VAV3: variants seen among roughly 807,000 people sequenced by gnomAD.
VAV3 encodes guanine nucleotide exchange factor VAV3.
In VAV3, 94 loss-of-function variants were observed where a neutral mutation model predicts 131.2. That is an observed-to-expected ratio of 0.72 (90% confidence interval 0.61 to 0.85). VAV3 has a LOEUF of 0.85. VAV3 is among the 40% of genes least tolerant of loss of function. The probability of loss-of-function intolerance (pLI) is 0.00; values close to 1 mark genes in which losing one functional copy is unlikely to be tolerated. For missense variants in VAV3, 939 were observed against 1,002.7 expected, an observed-to-expected ratio of 0.94 and a Z score of 0.86; for synonymous variants, 349 against 342.0, an observed-to-expected ratio of 1.02 and a Z score of -0.22.
At chr1:107,583,597 C>T (rs1444013257) in intron 25 of VAV3, among the ~76,000 whole-genome samples, 1 of 152,034 alleles carries the variant, frequency 6.6e-6, no homozygotes, top group Non-Finnish European at 1.5e-5. Flanking sequence ...AAATCACAAG[C>T]ATTCTTATAT....
At chr1:107,757,183 G>GTGTA in intron 11 of VAV3, 78 bp downstream of exon 11, 1 of 876,360 alleles carries the variant, frequency 1.1e-6, no homozygotes, top group Non-Finnish European at 1.8e-6. Context: ...GTGTGTGTGT[G>GTGTA]TGTGTATGCA....
At chr1:107,703,776 T>G (rs1484873727) in intron 17 of VAV3, among the ~76,000 whole-genome samples, 1 of 152,182 alleles carries the variant, frequency 6.6e-6, no homozygotes, top group Non-Finnish European at 1.5e-5. Context: ...CTTTCTTGTG[T>G]TCAAAAGTTT....
intron 2 of VAV3, among the ~76,000 whole-genome samples, chr1:107,826,193 T>A (rs1215449468): frequency 6.6e-6 from 1 of 152,204 alleles, no homozygotes; most frequent in Non-Finnish European, 1.5e-5. Flanking sequence ...TAAATTTGTC[T>A]ACACATTTAC....
intron 1 of VAV3, among the ~76,000 whole-genome samples, chr1:107,947,291 T>C (rs1244914923): frequency 1.3e-5 from 2 of 152,192 alleles, no homozygotes; most frequent in Non-Finnish European, 2.9e-5. Context: ...GCCACAATAT[T>C]CCAAGTCTTA....
intron 15 of VAV3, among the ~76,000 whole-genome samples, chr1:107,709,681 T>C (rs148652291): frequency 2.0e-5 from 3 of 152,326 alleles, no homozygotes; most frequent in East Asian, 3.9e-4. Flanking sequence ...TCCCCCATCC[T>C]GTTCTCATGA....
intron 15 of VAV3, among the ~76,000 whole-genome samples, chr1:107,720,278 G>A (rs1236220016): frequency 1.3e-5 from 2 of 151,806 alleles, no homozygotes; most frequent in African/African-American, 4.8e-5. Context: ...AGCTACTTGA[G>A]AGGCTGAGGT....
At chr1:107,720,384 A>AAAATAAATAAATAAAT (rs35673194) in intron 15 of VAV3, among the ~76,000 whole-genome samples, 7 of 102,554 alleles carry the variant, frequency 6.8e-5, no homozygotes, top group Admixed American at 3.2e-4. Flanking sequence ...CACTGTCTCA[A>AAAATAAATAAATAAAT]AAATAAATAA....
chr1:107,896,612 G>A (rs555647471), intron 1 of VAV3, among the ~76,000 whole-genome samples: 3 of 152,144 alleles, frequency 2.0e-5, no homozygotes, highest in South Asian at 2.1e-4. Context: ...AAATCTAATC[G>A]CAACCCAAGC....
intron 1 of VAV3, among the ~76,000 whole-genome samples, chr1:107,930,567 C>G (rs1354769364): frequency 6.6e-6 from 1 of 151,950 alleles, no homozygotes; most frequent in African/African-American, 2.4e-5. Flanking sequence ...GTTACCTAGT[C>G]GATAAGAAAA....
rs193248387 is a variant in VAV3 at position 107,927,220 on chromosome 1, G to A, written c.204+37446C>T. Among the ~76,000 whole-genome samples, 12 of 152,162 alleles carry A rather than the reference G, an allele frequency of 7.9e-5. No individual in the cohort carries two copies. The East Asian group carries it at 1.6e-3, about 20-fold the overall frequency. On this transcript the variant is annotated intron_variant, in intron 1 of 26. Transcript: ENST00000370056. ...ACAAGGGAACCCACTGCCATGAAGC[G>A]ATGGACTCAGTTCTGGCAGGACCAA...
intron 15 of VAV3, among the ~76,000 whole-genome samples, chr1:107,717,201 C>A (rs937586756): frequency 6.6e-6 from 1 of 152,074 alleles, no homozygotes; most frequent in African/African-American, 2.4e-5. Flanking sequence ...CCTGGACTCA[C>A]TGATTTTTTG....
intron 1 of VAV3, among the ~76,000 whole-genome samples, chr1:107,947,700 A>G (rs1160982828): frequency 6.6e-6 from 1 of 152,242 alleles, no homozygotes; most frequent in Non-Finnish European, 1.5e-5. Context: ...TTCTTTCAAT[A>G]TAACATGCTG....
intron 2 of VAV3, among the ~76,000 whole-genome samples, chr1:107,842,172 C>G: frequency 6.6e-6 from 1 of 152,142 alleles, no homozygotes; most frequent in Non-Finnish European, 1.5e-5. Flanking sequence ...TACCTAGTAC[C>G]TCCCTCTTCT....
intron 15 of VAV3, among the ~76,000 whole-genome samples, chr1:107,710,699 T>C (rs1055784487): frequency 3.3e-5 from 5 of 152,240 alleles, no homozygotes; most frequent in East Asian, 3.9e-4. Flanking sequence ...TTATTTTCCA[T>C]AGCAAGGTTT....
chr1:107,704,453 CAATA>C, intron 17 of VAV3, 93 bp downstream of exon 17: 1 of 861,106 alleles, frequency 1.2e-6, no homozygotes, highest in Non-Finnish European at 1.8e-6. Flanking sequence ...AGATATGTTA[CAATA>C]AACACATATT....
Position 107,572,970 on chromosome 1 carries a change from T to G in VAV3, c.*361A>C, listed in dbSNP as rs1164812896. 3 of 237,204 alleles carry G rather than the reference T, an allele frequency of 1.3e-5. No individual in the cohort carries two copies. The East Asian group carries it at 2.6e-4, about 20-fold the overall frequency. The allele number at this position is 237,204 out of a possible 1,614,324, so 14.7% of individuals were successfully genotyped here. A position where few individuals can be genotyped will look rare whatever the true frequency, so the allele number is the denominator to read the frequency against. On this transcript the variant is annotated 3_prime_UTR_variant, in exon 27 of 27. Coordinates refer to ENST00000370056, the MANE Select transcript of VAV3 (RefSeq NM_006113.5). ...ATGGCATGTGAGAATAAAGCAAAAG[T>G]GTATTAAGATTTACTGATGACTGGC...
At chr1:107,897,375 TGAAAAAGTAGAGG>T (rs927412342) in intron 1 of VAV3, 1 of 150,678 alleles carries the variant, frequency 6.6e-6, no homozygotes, top group Non-Finnish European at 1.5e-5. Context: ...CCATGAGAAT[TGAAAAAGTAGAGG>T]GAGAAAGAGA....
chr1:107,752,341 T>C (rs1345781597), intron 12 of VAV3, among the ~76,000 whole-genome samples: 2 of 152,124 alleles, frequency 1.3e-5, no homozygotes, highest in Non-Finnish European at 2.9e-5. Flanking sequence ...AAAGAATAAC[T>C]AAAAATGTTT....
intron 19 of VAV3, among the ~76,000 whole-genome samples, chr1:107,649,751 T>A (rs1656017875): frequency 6.6e-6 from 1 of 152,128 alleles, no homozygotes; most frequent in African/African-American, 2.4e-5. Context: ...TCCTTCTTTG[T>A]TCTATGGGTT....
Sources: allele counts gnomAD v4.1 joint callset (sites outside exome capture counted in the v4.1 genomes callset), GRCh38; gene constraint gnomAD v4.1.1; transcripts MANE v1.5; gene names NCBI Gene and HGNC (gene_info 2026-07-23, HGNC 2026-07-21).